ZNF277: variants seen among roughly 807,000 people sequenced by gnomAD.
ZNF277 encodes nuclear receptor-interacting factor 4.
Under a neutral mutation model 60.7 loss-of-function variants are expected in ZNF277, and 55 were observed. That is an observed-to-expected ratio of 0.91 (90% CI 0.73 to 1.13). ZNF277 has a LOEUF of 1.13. Ranked by LOEUF, ZNF277 falls within the 50% of genes most tolerant of loss-of-function variation. The probability of loss-of-function intolerance (pLI) is 0.00; values close to 1 mark genes in which losing one functional copy is unlikely to be tolerated. For synonymous variants in ZNF277, 178 were observed against 179.3 expected (o/e 0.99, Z 0.06); for missense variants, 510 against 523.0 (o/e 0.98, Z 0.24).
At chr7:112,340,392 A>T (rs1793420404) in intron 10 of ZNF277, among the ~76,000 whole-genome samples, 1 of 152,228 alleles carries the variant, frequency 6.6e-6, no homozygotes, top group Admixed American at 6.5e-5. Context: ...GGGCATTAAG[A>T]CATACGTAAA....
At chr7:112,264,472 A>G (rs1791501903) in intron 1 of ZNF277, among the ~76,000 whole-genome samples, 1 of 152,120 alleles carries the variant, frequency 6.6e-6, no homozygotes, top group African/African-American at 2.4e-5. Flanking sequence ...TATGCAACCT[A>G]AGCATCTAAC....
Position 112,337,030 on chromosome 7 carries a change from G to A in ZNF277, c.870-700G>A, listed in dbSNP as rs540237923. On this transcript the variant is annotated intron_variant, in intron 8 of 11. Transcript: ENST00000361822. ...TAGGTTGATCTTGAGAGTCTTATCA[G>A]TGATCATTTCTGAGCTTGCCATGAA... is the stretch of plus-strand genomic sequence containing the variant. 2.2e-4 allele frequency among the ~76,000 whole-genome samples: 33 copies of A among 152,292 alleles called. No homozygotes were observed. The South Asian group carries it at 6.2e-3, about 29-fold the overall frequency.
chr7:112,339,403 C>G (rs1050252271), intron 9 of ZNF277, among the ~76,000 whole-genome samples: 25 of 152,344 alleles, frequency 1.6e-4, no homozygotes, highest in Admixed American at 1.6e-3. Context: ...ACTGCAACCT[C>G]TGCCTGCTAG....
intron 4 of ZNF277, among the ~76,000 whole-genome samples, chr7:112,298,970 G>C (rs1792413782): frequency 6.6e-6 from 1 of 152,118 alleles, no homozygotes; most frequent in South Asian, 2.1e-4. Context: ...TCTGTCCTGG[G>C]TGCTCATGGT....
chr7:112,226,931 A>G (rs1822191827), intron 1 of ZNF277, among the ~76,000 whole-genome samples: 1 of 152,184 alleles, frequency 6.6e-6, no homozygotes, highest in African/African-American at 2.4e-5. Context: ...CCTATTAGCA[A>G]TATTCAGAGC....
chr7:112,315,397 G>A (rs927482889), intron 4 of ZNF277, among the ~76,000 whole-genome samples: 2 of 148,562 alleles, frequency 1.3e-5, no homozygotes, highest in Non-Finnish European at 3.0e-5. Context: ...CAGTTGGTGG[G>A]TGTAGAAGTA....
At chr7:112,228,371 A>G (rs1325243882) in intron 1 of ZNF277, among the ~76,000 whole-genome samples, 1 of 149,564 alleles carries the variant, frequency 6.7e-6, no homozygotes, top group Non-Finnish European at 1.5e-5. Context: ...TATATCACCC[A>G]TATTTCTATA....
chr7:112,265,011 A>G (rs889934114), intron 1 of ZNF277, among the ~76,000 whole-genome samples: 1 of 152,164 alleles, frequency 6.6e-6, no homozygotes, highest in African/African-American at 2.4e-5. Context: ...AAAGACAACA[A>G]TGAAGTTTGT....
intron 4 of ZNF277, among the ~76,000 whole-genome samples, chr7:112,297,207 G>C (rs10257831): frequency 1.3e-5 from 2 of 151,564 alleles, no homozygotes; most frequent in Non-Finnish European, 2.9e-5. Context: ...GATTACAGGC[G>C]GGAGCCACTG....
intron 6 of ZNF277, 75 bp downstream of exon 6, chr7:112,327,902 T>C (rs1793135587): frequency 1.1e-6 from 1 of 952,010 alleles, no homozygotes. Context: ...TTTAAATTAA[T>C]TTAATAGAGT....
In ZNF277 at chr7:112,330,119, A is replaced by G; in HGVS notation, c.704A>G (p.Asp235Gly). ...QCLYCEKTFR[D>G]KNTLKDHMRK... Reference sequence around the variant, plus strand: ...TTGTACTGTGAGAAGACCTTCAGGGACAAAAATACACTTAAAGATCACATG... The same window carrying G: ...TTGTACTGTGAGAAGACCTTCAGGGGCAAAAATACACTTAAAGATCACATG... The change falls in exon 7 of 12, where the codon GAC (aspartate) becomes GGC (glycine). Residue 235 changes from aspartate (D) to glycine (G), a missense_variant. Coordinates refer to ENST00000361822, the MANE Select transcript of ZNF277 (RefSeq NM_021994.3). The G allele has an allele frequency of 1.2e-6, 2 of 1,613,548 alleles. No individual in the cohort carries two copies. Among genetic ancestry groups the G allele is most frequent in the Non-Finnish European group, 1.7e-6 (2 of 1,179,810 alleles).
intron 1 of ZNF277, among the ~76,000 whole-genome samples, chr7:112,237,381 C>T (rs1402295017): frequency 2.0e-5 from 3 of 151,478 alleles, no homozygotes. Context: ...CAGTACAGAA[C>T]TAAAATAAAT....
intron 4 of ZNF277, among the ~76,000 whole-genome samples, chr7:112,304,113 A>G (rs1792539543): frequency 6.6e-6 from 1 of 152,108 alleles, no homozygotes; most frequent in Non-Finnish European, 1.5e-5. Context: ...TTAAGATTCT[A>G]ATGTCACAAG....
intron 4 of ZNF277, among the ~76,000 whole-genome samples, chr7:112,307,039 G>T (rs1366156817): frequency 6.6e-6 from 1 of 152,050 alleles, no homozygotes; most frequent in Non-Finnish European, 1.5e-5. Context: ...TGCAGTGCAG[G>T]ATTTGGGTCC....
At chr7:112,341,429 C>A in intron 11 of ZNF277, among the ~76,000 whole-genome samples, 1 of 152,172 alleles carries the variant, frequency 6.6e-6, no homozygotes, top group Middle Eastern at 3.4e-3. Flanking sequence ...ATCTATTCTG[C>A]GAGATACTTA....
intron 1 of ZNF277, among the ~76,000 whole-genome samples, chr7:112,285,391 A>C (rs1008730777): frequency 1.3e-5 from 2 of 150,834 alleles, no homozygotes; most frequent in African/African-American, 4.9e-5. Context: ...TAAATTAAGA[A>C]TGCCTTTAAA....
chr7:112,316,561 T>C (rs1359996340), intron 4 of ZNF277, among the ~76,000 whole-genome samples: 1 of 152,128 alleles, frequency 6.6e-6, no homozygotes, highest in Non-Finnish European at 1.5e-5. Context: ...AGCTTTCTAG[T>C]TTAATTAGAT....
chr7:112,340,662 T>G (rs1025394416), intron 10 of ZNF277, among the ~76,000 whole-genome samples: 2 of 152,220 alleles, frequency 1.3e-5, no homozygotes, highest in African/African-American at 4.8e-5. Flanking sequence ...TTAAATGTAT[T>G]AATACATGGA....
chr7:112,256,457 T>C (rs1017038246), intron 1 of ZNF277, among the ~76,000 whole-genome samples: 6 of 131,466 alleles, frequency 4.6e-5, no homozygotes, highest in Non-Finnish European at 7.8e-5. Flanking sequence ...TGAGAAAGAG[T>C]CTCACTCTGT....
Sources: gnomAD v4.1 joint callset for allele counts (sites outside exome capture counted in the v4.1 genomes callset) on GRCh38, gnomAD v4.1.1 for gene constraint, MANE v1.5 for transcripts, NCBI Gene and HGNC (gene_info 2026-07-23, HGNC 2026-07-21) for gene names.